CD59: variants seen among roughly 807,000 people sequenced by gnomAD.
CD59 encodes CD59 molecule (CD59 blood group).
Under a neutral mutation model 7.0 loss-of-function variants are expected in CD59, and 3 were observed. The ratio of observed to expected loss-of-function variants is 0.43; its 90% confidence interval spans 0.19 to 1.10. The LOEUF is 1.10. Among genes scored for constraint, CD59 ranks in the 50% least tolerant of loss-of-function variants. The pLI, the probability that CD59 is intolerant of heterozygous loss-of-function variation, is 0.29. For missense variants in CD59, 143 were observed against 151.0 expected, an observed-to-expected ratio of 0.95 and a Z score of 0.28; for synonymous variants, 60 against 62.0, an observed-to-expected ratio of 0.97 and a Z score of 0.15.
chr11:33,731,852 G>C (rs1854426997), intron 1 of CD59, among the ~76,000 whole-genome samples: 1 of 152,230 alleles, frequency 6.6e-6, no homozygotes, highest in South Asian at 2.1e-4. Context: ...AAGACCTTGT[G>C]ATATGGTTTG....
At position 33,706,569 on chromosome 11, in the gene CD59, A is replaced by C. The variant is rs1417540305; in HGVS notation, c.*3557T>G. ...AAGGGTTTAAAAAAAAAAAAAAAAA[A>C]AAACTTGTCCAGAGACATAGCCAAT... On this transcript the variant is annotated 3_prime_UTR_variant, in exon 4 of 4. Coordinates refer to ENST00000642928, the MANE Select transcript of CD59 (RefSeq NM_000611.6). 1 of 151,918 alleles carries C rather than the reference A, an allele frequency of 6.6e-6. No homozygotes were observed. The highest frequency in any genetic ancestry group is 2.4e-5 in the African/African-American group (1 of 41,370). The allele number at this position is 151,918 out of a possible 1,614,324, so 9.4% of individuals were successfully genotyped here.
intron 2 of CD59, 147 bp downstream of exon 2, chr11:33,722,232 C>A (rs2133558041): frequency 1.4e-6 from 1 of 697,856 alleles, no homozygotes; most frequent in East Asian, 2.8e-5. Flanking sequence ...TAGGAAGGAG[C>A]TGTCATACAA....
chr11:33,723,626 C>T (rs1854162232), intron 1 of CD59, among the ~76,000 whole-genome samples: 1 of 152,240 alleles, frequency 6.6e-6, no homozygotes. Flanking sequence ...GGGCTCCCCA[C>T]CACCCGCTGG....
chr11:33,710,005 C>G lies in CD59; in HGVS notation c.*121G>C. The G allele has an allele frequency of 1.2e-6, 1 of 853,730 alleles. No homozygotes were observed. Among genetic ancestry groups the G allele is most frequent in the Non-Finnish European group, 1.9e-6 (1 of 518,928 alleles). The allele number at this position is 853,730 out of a possible 1,614,324, so 52.9% of individuals were successfully genotyped here. On this transcript the variant is annotated 3_prime_UTR_variant, in exon 4 of 4. Coordinates refer to ENST00000642928, the MANE Select transcript of CD59 (RefSeq NM_000611.6). ...CTCTATCTTAGCCAGGTTGCTCAAG[C>G]TAATTTTATTCTTTCCCAACAGGAT... is the stretch of plus-strand genomic sequence containing the variant.
chr11:33,715,061 A>T (rs2133537910), intron 3 of CD59, among the ~76,000 whole-genome samples: 1 of 151,764 alleles, frequency 6.6e-6, no homozygotes, highest in East Asian at 1.9e-4. Context: ...CTTCTGCCTC[A>T]GCCTCCCGAG....
intron 3 of CD59, among the ~76,000 whole-genome samples, chr11:33,714,208 C>T (rs928168493): frequency 6.6e-6 from 1 of 152,202 alleles, no homozygotes; most frequent in Non-Finnish European, 1.5e-5. Context: ...GTTACACAAA[C>T]TTACATGGAA....
intron 2 of CD59, 90 bp downstream of exon 2, chr11:33,722,289 G>A (rs1237799578): frequency 4.2e-6 from 4 of 960,958 alleles, no homozygotes; most frequent in Non-Finnish European, 6.8e-6. Context: ...AGCCAGGCCT[G>A]GAGGAGCAGC....
chr11:33,709,944 G>C lies in CD59; in HGVS notation c.*182C>G. On this transcript the variant is annotated 3_prime_UTR_variant, in exon 4 of 4. Coordinates refer to ENST00000642928, the MANE Select transcript of CD59 (RefSeq NM_000611.6). Reference sequence around the variant, plus strand: ...TTCTTCCTTCAAGTGGGGCTTCCCTGCAAACAGGACTGGTCTTCAAAGTCT... The same window carrying C: ...TTCTTCCTTCAAGTGGGGCTTCCCTCCAAACAGGACTGGTCTTCAAAGTCT... The C allele has an allele frequency of 1.5e-6, 1 of 648,696 alleles. No homozygotes were observed. Among genetic ancestry groups the C allele is most frequent in the South Asian group, 1.8e-5 (1 of 56,452 alleles). The allele number at this position is 648,696 out of a possible 1,614,324, so 40.2% of individuals were successfully genotyped here. A position where few individuals can be genotyped will look rare whatever the true frequency, so the allele number is the denominator to read the frequency against.
intron 1 of CD59, among the ~76,000 whole-genome samples, chr11:33,723,431 C>T (rs569734087): frequency 2.6e-5 from 4 of 152,284 alleles, no homozygotes; most frequent in East Asian, 1.9e-4. Flanking sequence ...AATTTGCTGA[C>T]GCAGGCCAGT....
At chr11:33,716,856 T>G (rs1001545006) in intron 3 of CD59, among the ~76,000 whole-genome samples, 1 of 152,048 alleles carries the variant, frequency 6.6e-6, no homozygotes, top group Non-Finnish European at 1.5e-5. Context: ...TCAGCTTGAG[T>G]CTCCTCAGGA....
At chr11:33,730,850 T>C (rs1430752935) in intron 1 of CD59, among the ~76,000 whole-genome samples, 1 of 152,220 alleles carries the variant, frequency 6.6e-6, no homozygotes, top group African/African-American at 2.4e-5. Flanking sequence ...CAAAAAACAG[T>C]TGAACTACTT....
At chr11:33,719,037 C>G (rs1853930196) in intron 2 of CD59, 2 of 152,216 alleles carry the variant, frequency 1.3e-5, no homozygotes, top group Admixed American at 1.3e-4. Context: ...CACGTAAAAT[C>G]TCACAAAAGA....
intron 3 of CD59, 135 bp downstream of exon 3, chr11:33,717,235 C>G: frequency 1.4e-6 from 1 of 699,664 alleles, no homozygotes; most frequent in South Asian, 1.5e-5. Flanking sequence ...AAGTGCTTAG[C>G]CCAATACACA....
intron 1 of CD59, among the ~76,000 whole-genome samples, chr11:33,728,484 C>G (rs1239462208): frequency 6.6e-6 from 1 of 152,200 alleles, no homozygotes; most frequent in African/African-American, 2.4e-5. Context: ...AAAGCTGAAA[C>G]TGGATCCTTT....
rs1018836756 is a variant in CD59, at chr11:33,709,771, C to T, written c.*355G>A. On this transcript the variant is annotated 3_prime_UTR_variant, in exon 4 of 4. Transcript: ENST00000642928. Reference sequence around the variant, plus strand: ...ACCCTCCAAAGATGTACTAATGATGCTAACTGACTACATCCAAGGAGCCAG... The same window carrying T: ...ACCCTCCAAAGATGTACTAATGATGTTAACTGACTACATCCAAGGAGCCAG... The T allele has an allele frequency of 1.3e-5, 5 of 399,938 alleles. No homozygotes were observed. The highest frequency in any genetic ancestry group is 3.7e-5 in the Admixed American group (1 of 26,692). 24.8% of individuals were successfully genotyped at this position (399,938 alleles called of 1,614,324 possible). A position where few individuals can be genotyped will look rare whatever the true frequency, so the allele number is the denominator to read the frequency against.
chr11:33,735,900 C>T (rs1322952902), intron 1 of CD59, among the ~76,000 whole-genome samples: 1 of 146,254 alleles, frequency 6.8e-6, no homozygotes, highest in Non-Finnish European at 1.5e-5. Flanking sequence ...TGGGCAACAG[C>T]GAAACTCCAT....
At chr11:33,718,132 TTGAGG>T (rs770975439) in intron 2 of CD59, 63 of 157,476 alleles carry the variant, frequency 4.0e-4, no homozygotes, top group Non-Finnish European at 6.6e-4. Context: ...TTTCTTATTA[TTGAGG>T]TAAGTCTCAT....
At chr11:33,734,786 G>A (rs1227231039) in intron 1 of CD59, among the ~76,000 whole-genome samples, 1 of 152,186 alleles carries the variant, frequency 6.6e-6, no homozygotes, top group Non-Finnish European at 1.5e-5. Context: ...GCACTTCTGG[G>A]CTTGGCAATG....
At position 33,736,224 on chromosome 11, in the gene CD59, G is replaced by A. The variant is rs2273121; in HGVS notation, c.-19+158C>T. ...GGCTAGGACACCGGGCCGCGGTGAC[G>A]GGTTGGAAGGGCCAGGCCTCGGGAG... On this transcript the variant is annotated intron_variant, in intron 1 of 3. Transcript: ENST00000642928. The surrounding 1 kb of genome is among the most constrained non-coding windows in gnomAD (Gnocchi z 4.4). Among the ~76,000 whole-genome samples, 24,957 of 152,156 alleles carry A rather than the reference G, an allele frequency of 0.16. 2,669 individuals carry two copies. The highest frequency in any genetic ancestry group is 0.24 in the Non-Finnish European group (16,350 of 67,948).
Sources: gnomAD v4.1 joint callset for allele counts (sites outside exome capture counted in the v4.1 genomes callset) on GRCh38, gnomAD v4.1.1 for gene constraint, Gnocchi (gnomAD v3.1) non-coding constraint, MANE v1.5 for transcripts, NCBI Gene and HGNC (gene_info 2026-07-23, HGNC 2026-07-21) for gene names.